The following PACSIN2 variants were observed in gnomAD, a reference collection of about 807,000 sequenced individuals.
The protein encoded by PACSIN2 is protein kinase C and casein kinase substrate in neurons protein 2.
A neutral mutation model predicts 63.8 loss-of-function variants in PACSIN2; 25 were observed. That is an observed-to-expected ratio of 0.39 (90% CI 0.29 to 0.55). PACSIN2 has a LOEUF of 0.55. PACSIN2 is among the 20% of genes least tolerant of loss of function. PACSIN2 has a pLI of 0.62. For synonymous variants in PACSIN2, 255 were observed against 256.2 expected (o/e 1.00, Z 0.05); for missense variants, 518 against 646.9 (o/e 0.80, Z 2.16).
At chr22:42,984,873 A>T (rs1435804876) in intron 1 of PACSIN2, among the ~76,000 whole-genome samples, 1 of 152,220 alleles carries the variant, frequency 6.6e-6, no homozygotes, top group Non-Finnish European at 1.5e-5. Context: ...TACTTACCTG[A>T]AAAAAGCAGC....
chr22:42,981,013 G>A (rs1422202821), intron 1 of PACSIN2, among the ~76,000 whole-genome samples: 9 of 140,786 alleles, frequency 6.4e-5, no homozygotes, highest in Non-Finnish European at 9.3e-5. Context: ...GTCTCTGCCC[G>A]GCCGCCATCC....
intron 5 of PACSIN2, among the ~76,000 whole-genome samples, chr22:42,884,913 G>A (rs1318249404): frequency 1.3e-5 from 2 of 152,222 alleles, no homozygotes; most frequent in Non-Finnish European, 2.9e-5. Context: ...CTCAGATCTG[G>A]CCCACAGCAA....
rs187747526 is a variant in PACSIN2, at chr22:42,973,938, A to C, written c.-78+41083T>G. Reference sequence around the variant, plus strand: ...TGTGGATGCCAAGTACCAAGAACAGAAGCGTAGCCTTAACTTGTAGCCTGA... The same window carrying C: ...TGTGGATGCCAAGTACCAAGAACAGCAGCGTAGCCTTAACTTGTAGCCTGA... On this transcript the variant is annotated intron_variant, in intron 1 of 10. Coordinates refer to ENST00000263246, the MANE Select transcript of PACSIN2 (RefSeq NM_001184970.3). Among the ~76,000 whole-genome samples, 11 of 152,344 alleles carry C rather than the reference A, an allele frequency of 7.2e-5. No homozygotes were observed. In the East Asian group the frequency reaches 1.7e-3, roughly 24 times the overall value.
At chr22:43,008,839 T>G (rs2146928952) in intron 1 of PACSIN2, among the ~76,000 whole-genome samples, 1 of 152,354 alleles carries the variant, frequency 6.6e-6, no homozygotes, top group South Asian at 2.1e-4. Flanking sequence ...TAACATTTAT[T>G]TCACAACTTT....
rs750019106 is a variant in PACSIN2 at position 42,893,557 on chromosome 22, G to A, written c.117C>T (p.Ser39=). Residue 39 remains serine (S), a synonymous_variant, in exon 3 of 11, where the codon AGC becomes AGT. Transcript: ENST00000263246. Reference sequence around the variant, plus strand: ...GCTCATGCAGGCAGTTCATGAGGTCGCTGCACAGGCGGTGGCCATCGTCGA... The same window carrying A: ...GCTCATGCAGGCAGTTCATGAGGTCACTGCACAGGCGGTGGCCATCGTCGA... ...KRIDDGHRLC[S]DLMNCLHERA... The A allele has an allele frequency of 7.4e-6, 12 of 1,614,134 alleles. No individual in the cohort carries two copies. The highest frequency in any genetic ancestry group is 2.2e-5 in the East Asian group (1 of 44,884).
intron 2 of PACSIN2, among the ~76,000 whole-genome samples, chr22:42,900,429 G>T (rs1930602099): frequency 6.6e-6 from 1 of 152,152 alleles, no homozygotes; most frequent in African/African-American, 2.4e-5. Context: ...TTAATCTTGT[G>T]AGAATGCTAG....
At chr22:42,935,498 C>T (rs1932891710) in intron 1 of PACSIN2, among the ~76,000 whole-genome samples, 1 of 152,148 alleles carries the variant, frequency 6.6e-6, no homozygotes, top group Non-Finnish European at 1.5e-5. Context: ...TAAGCTTTGC[C>T]ACCAGCTGGT....
intron 1 of PACSIN2, among the ~76,000 whole-genome samples, chr22:43,000,608 C>T (rs1186326950): frequency 2.6e-5 from 4 of 152,162 alleles, no homozygotes; most frequent in Non-Finnish European, 4.4e-5. Context: ...TGGAAATGAG[C>T]GTACACCCAA....
chr22:42,974,294 G>A (rs781169049), intron 1 of PACSIN2, among the ~76,000 whole-genome samples: 1 of 152,188 alleles, frequency 6.6e-6, no homozygotes, highest in Non-Finnish European at 1.5e-5. Context: ...TTTCCCATGA[G>A]CACCAAATAG....
intron 1 of PACSIN2, among the ~76,000 whole-genome samples, chr22:42,944,541 G>C (rs1474595425): frequency 1.3e-5 from 2 of 152,178 alleles, no homozygotes; most frequent in Admixed American, 6.5e-5. Context: ...TGACCCTTAA[G>C]TCCCACTCTG....
chr22:42,893,516 T>C lies in PACSIN2; in HGVS notation c.158A>G (p.Lys53Arg). 6.2e-7 allele frequency: 1 copy of C among 1,614,102 alleles called. No individual in the cohort carries two copies. Residue 53 changes from lysine (K) to arginine (R), a missense_variant, in exon 3 of 11, where the codon AAG (lysine) becomes AGG (arginine). Lys to Arg is a conservative substitution (Grantham distance 26). Around this residue, in one of 2 missense-constraint regions of PACSIN2, gnomAD observed 507 missense variants for 612.3 expected, o/e 0.83. Coordinates refer to ENST00000263246, the MANE Select transcript of PACSIN2 (RefSeq NM_001184970.3). ...NCLHERARIE[K>R]AYAQQLTEWA... ...CTCAGTGAGCTGCTGCGCATACGCC[T>C]TCTCGATGCGCGCCCGCTCATGCAG...
chr22:43,014,280 C>A (rs572007423), intron 1 of PACSIN2, among the ~76,000 whole-genome samples: 3 of 121,126 alleles, frequency 2.5e-5, no homozygotes, highest in Non-Finnish European at 5.2e-5. Context: ...TTGGCCCCAG[C>A]CCTAGGACGT....
chr22:42,967,179 C>A (rs564690132), intron 1 of PACSIN2, among the ~76,000 whole-genome samples: 1 of 152,110 alleles, frequency 6.6e-6, no homozygotes, highest in East Asian at 1.9e-4. Context: ...TGAGAAGATG[C>A]CCAGGAAGGC....
chr22:42,955,794 C>A (rs1401805424), intron 1 of PACSIN2, among the ~76,000 whole-genome samples: 1 of 152,188 alleles, frequency 6.6e-6, no homozygotes, highest in African/African-American at 2.4e-5. Flanking sequence ...AAAGTAGTAA[C>A]AAATGTTTCT....
chr22:42,947,083 T>A (rs1018799434), intron 1 of PACSIN2: 8 of 152,174 alleles, frequency 5.3e-5, no homozygotes, highest in Non-Finnish European at 1.0e-4. Flanking sequence ...AGAGACGCAC[T>A]TAAACCCTAA....
intron 1 of PACSIN2, among the ~76,000 whole-genome samples, chr22:43,012,057 A>G (rs1924523646): frequency 6.6e-6 from 1 of 152,124 alleles, no homozygotes; most frequent in African/African-American, 2.4e-5. Flanking sequence ...AGGCAGGGGA[A>G]TCACTTGAAC....
chr22:42,881,109 G>A (rs1929037929), intron 7 of PACSIN2, among the ~76,000 whole-genome samples: 1 of 152,202 alleles, frequency 6.6e-6, no homozygotes, highest in Non-Finnish European at 1.5e-5. Flanking sequence ...TCCTGGGGCT[G>A]GCGCAGGGGA....
chr22:43,001,829 G>A (rs1220996790), intron 1 of PACSIN2, among the ~76,000 whole-genome samples: 2 of 152,180 alleles, frequency 1.3e-5, no homozygotes, highest in African/African-American at 4.8e-5. Context: ...TTCTAGGGAG[G>A]GGACCCAGGG....
intron 1 of PACSIN2, among the ~76,000 whole-genome samples, chr22:42,946,201 G>A (rs1358512124): frequency 6.6e-6 from 1 of 152,242 alleles, no homozygotes; most frequent in African/African-American, 2.4e-5. Context: ...ACATAAAGAA[G>A]TGTTTAAACT....
Sources: gnomAD v4.1 joint callset for allele counts (sites outside exome capture counted in the v4.1 genomes callset) on GRCh38, gnomAD v4.1.1 for gene constraint, gnomAD v4.1.1 regional missense constraint, MANE v1.5 for transcripts, NCBI Gene and HGNC (gene_info 2026-07-23, HGNC 2026-07-21) for gene names.